The following MAP2K6 variants were observed in gnomAD, a reference collection of about 807,000 sequenced individuals.
The protein encoded by MAP2K6 is dual specificity mitogen-activated protein kinase kinase 6.
MAP2K6 carries 16 observed loss-of-function variants against 53.7 expected under a neutral mutation model. The ratio of observed to expected loss-of-function variants is 0.30; its 90% CI spans 0.20 to 0.45. The LOEUF is 0.45. MAP2K6 is among the 20% of genes least tolerant of loss of function. MAP2K6 has a pLI of 1.00. For missense variants in MAP2K6, 204 were observed against 411.9 expected (o/e 0.50, Z 4.37); for synonymous variants, 132 against 143.1 (o/e 0.92, Z 0.55).
At chr17:69,528,829 A>G (rs983295285) in intron 10 of MAP2K6, among the ~76,000 whole-genome samples, 1 of 135,144 alleles carries the variant, frequency 7.4e-6, no homozygotes, top group African/African-American at 2.9e-5. Flanking sequence ...ACTGCACTCC[A>G]GCCTGGGTGA....
intron 1 of MAP2K6, among the ~76,000 whole-genome samples, chr17:69,442,070 G>A (rs992031063): frequency 1.3e-5 from 2 of 152,206 alleles, no homozygotes; most frequent in African/African-American, 4.8e-5. Context: ...CCTGTGGGGA[G>A]AGGAAGTAAC....
At chr17:69,498,650 CCACACACACACA>C (rs3222089) in intron 1 of MAP2K6, among the ~76,000 whole-genome samples, 48 of 145,524 alleles carry the variant, frequency 3.3e-4, no homozygotes, top group East Asian at 2.0e-3. Flanking sequence ...CACCTGGAAG[CCACACACACACA>C]CACACACACA....
intron 1 of MAP2K6, among the ~76,000 whole-genome samples, chr17:69,437,608 AT>A (rs1157635010): frequency 6.6e-6 from 1 of 152,218 alleles, no homozygotes; most frequent in Non-Finnish European, 1.5e-5. Flanking sequence ...CATTTTAATG[AT>A]TTTAGAGTAT....
At chr17:69,479,823 C>T (rs555829326) in intron 1 of MAP2K6, among the ~76,000 whole-genome samples, 2 of 151,768 alleles carry the variant, frequency 1.3e-5, no homozygotes, top group East Asian at 3.9e-4. Flanking sequence ...AAGCGATTCT[C>T]CTGCCTCCAA....
At chr17:69,468,862 T>C (rs891564825) in intron 1 of MAP2K6, among the ~76,000 whole-genome samples, 5 of 151,950 alleles carry the variant, frequency 3.3e-5, no homozygotes, top group Admixed American at 3.3e-4. Flanking sequence ...AAAAGGCGGG[T>C]TGAACAAGCA....
chr17:69,501,185 C>A (rs1175008424), intron 1 of MAP2K6, among the ~76,000 whole-genome samples: 1 of 152,132 alleles, frequency 6.6e-6, no homozygotes, highest in South Asian at 2.1e-4. Flanking sequence ...CACTGCCATC[C>A]TTTTGTGAAG....
At chr17:69,466,922 A>G (rs1907833820) in intron 1 of MAP2K6, among the ~76,000 whole-genome samples, 1 of 152,228 alleles carries the variant, frequency 6.6e-6, no homozygotes, top group Admixed American at 6.5e-5. Context: ...ATGCAGAGCT[A>G]AACAATCAGA....
At position 69,526,708 on chromosome 17, in the gene MAP2K6, T is replaced by A; in HGVS notation, c.880T>A (p.Cys294Ser). The A allele has an allele frequency of 6.2e-7, 1 of 1,611,832 alleles. No individual in the cohort carries two copies. The highest frequency in any genetic ancestry group is 8.5e-7 in the Non-Finnish European group (1 of 1,179,724). ...AGAGTTTGTTGACTTTACCTCACAGTGGTAAGACAGCCTCACCTCCCAAGT... is the reference window on the plus strand; with the variant it reads ...AGAGTTTGTTGACTTTACCTCACAGAGGTAAGACAGCCTCACCTCCCAAGT... The part of the protein sequence containing the change: ...SAEFVDFTSQ[C>S]LKKNSKERPT... Residue 294 changes from cysteine (C) to serine (S), a missense_variant and splice_region_variant, in exon 10 of 12, where the codon TGC (cysteine) becomes AGC (serine). This residue lies in a region of MAP2K6 where 47 missense variants were observed against 62.3 expected (regional missense o/e 0.75). Transcript: ENST00000590474.
intron 1 of MAP2K6, chr17:69,433,483 T>C (rs1434194787): frequency 6.6e-6 from 1 of 152,252 alleles, no homozygotes; most frequent in Non-Finnish European, 1.5e-5. Context: ...GACCTCTGTT[T>C]ATTCAGTCGG....
chr17:69,456,702 T>C (rs1907420709), intron 1 of MAP2K6, among the ~76,000 whole-genome samples: 1 of 152,190 alleles, frequency 6.6e-6, no homozygotes, highest in African/African-American at 2.4e-5. Context: ...TACCCAGAGA[T>C]GTCTCCCCAC....
intron 1 of MAP2K6, among the ~76,000 whole-genome samples, chr17:69,449,545 CTT>C (rs1198704464): frequency 9.5e-6 from 1 of 105,670 alleles, no homozygotes; most frequent in South Asian, 3.5e-4. Context: ...TTCTTTCTTT[CTT>C]TCTTTCTTTC....
At chr17:69,538,435 G>A (rs1473533856) in intron 11 of MAP2K6, among the ~76,000 whole-genome samples, 1 of 152,114 alleles carries the variant, frequency 6.6e-6, no homozygotes, top group East Asian at 1.9e-4. Context: ...ATTAGTCTTT[G>A]TGGTACTGGA....
intron 1 of MAP2K6, chr17:69,433,450 AC>A (rs1299076727): frequency 6.6e-6 from 1 of 152,224 alleles, no homozygotes; most frequent in Non-Finnish European, 1.5e-5. Context: ...ACAAACAAGA[AC>A]ACCAGGCATG....
At position 69,494,780 on chromosome 17, in the gene MAP2K6, T is replaced by TG. The variant is rs1470324569; in HGVS notation, c.17-10998dup. Among the ~76,000 whole-genome samples the TG allele has an allele frequency of 6.6e-6, 1 of 151,032 alleles. No individual in the cohort carries two copies. Among genetic ancestry groups the TG allele is most frequent in the Non-Finnish European group, 1.5e-5 (1 of 67,736 alleles). ...CAGCACTTTGGGAGGCTGGGGCGGG[T>TG]GGATCACCTGAGGTCAGGAATTCGA... On this transcript the variant is annotated intron_variant, in intron 1 of 11. Coordinates refer to ENST00000590474, the MANE Select transcript of MAP2K6 (RefSeq NM_002758.4). This position sits in a 1 kb window ranked among gnomAD's most constrained non-coding sequence, Gnocchi z 4.2.
chr17:69,465,567 C>CAAGGTAGGGGATGCAGAGGAGGGAT (rs1907767602), intron 1 of MAP2K6, among the ~76,000 whole-genome samples: 1 of 151,486 alleles, frequency 6.6e-6, no homozygotes, highest in Non-Finnish European at 1.5e-5. Context: ...GTAGAGGTGA[C>CAAGGTAGGGGATGCAGAGGAGGGAT]AAGGTAGGGG....
At chr17:69,472,840 A>G (rs1908027435) in intron 1 of MAP2K6, among the ~76,000 whole-genome samples, 3 of 152,118 alleles carry the variant, frequency 2.0e-5, no homozygotes, top group African/African-American at 7.2e-5. Flanking sequence ...CTGGGACCAC[A>G]GGCATGCGCC....
rs148169492 is a variant in MAP2K6 at position 69,485,060 on chromosome 17, T to A, written c.17-20720T>A. Reference sequence around the variant, plus strand: ...TTCTAAAAGCCATTGAATTGTACAATTAAAATAGGTGAAATACATGTTAAA... The same window carrying A: ...TTCTAAAAGCCATTGAATTGTACAAATAAAATAGGTGAAATACATGTTAAA... On this transcript the variant is annotated intron_variant, in intron 1 of 11. Coordinates refer to ENST00000590474, the MANE Select transcript of MAP2K6 (RefSeq NM_002758.4). Among the ~76,000 whole-genome samples, 1,105 of 152,258 alleles carry A rather than the reference T, an allele frequency of 7.3e-3. 9 individuals carry two copies. Among genetic ancestry groups the A allele is most frequent in the African/African-American group, 0.026 (1,060 of 41,552 alleles).
At chr17:69,504,565 GC>G in intron 1 of MAP2K6, 1 of 152,240 alleles carries the variant, frequency 6.6e-6, no homozygotes, top group Admixed American at 6.5e-5. Flanking sequence ...ATGAGCCACC[GC>G]GCCTGGGCAG....
rs58712110 is a variant in MAP2K6 at position 69,500,447 on chromosome 17, C to CAA, written c.17-5307_17-5306dup. 1.4e-3 allele frequency among the ~76,000 whole-genome samples: 82 copies of CAA among 57,628 alleles called. 9 individuals carry two copies. Among genetic ancestry groups the CAA allele is most frequent in the African/African-American group, 4.8e-3 (63 of 13,118 alleles). 37.8% of individuals were successfully genotyped at this position (57,628 alleles called of 152,430 possible). ...TGGGTGACAAAGTGAGACTCTGTCT[C>CAA]AAAAAAAAAAAAAAAAAAAAAAAAA... On this transcript the variant is annotated intron_variant, in intron 1 of 11. Coordinates refer to ENST00000590474, the MANE Select transcript of MAP2K6 (RefSeq NM_002758.4).
Sources: allele counts gnomAD v4.1 joint callset (sites outside exome capture counted in the v4.1 genomes callset), GRCh38; gene constraint gnomAD v4.1.1; regional missense constraint gnomAD v4.1.1; non-coding constraint Gnocchi (gnomAD v3.1); transcripts MANE v1.5; gene names NCBI Gene and HGNC (gene_info 2026-07-23, HGNC 2026-07-21).